The following MRTFB variants were observed in gnomAD, a reference collection of about 807,000 sequenced individuals.
MRTFB encodes myocardin related transcription factor B, also known as myocardin-related transcription factor B.
A neutral mutation model predicts 104.2 loss-of-function variants in MRTFB; 29 were observed. The observed-to-expected ratio is 0.28, with a 90% CI of 0.21 to 0.38. The LOEUF (loss-of-function observed/expected upper bound fraction) is 0.38. MRTFB is among the 10% of genes least tolerant of loss of function. The pLI, the probability that MRTFB is intolerant of heterozygous loss-of-function variation, is 1.00. For missense variants in MRTFB, 1,270 were observed against 1,341.6 expected, an observed-to-expected ratio of 0.95 and a Z score of 0.83; for synonymous variants, 535 against 519.5, an observed-to-expected ratio of 1.03 and a Z score of -0.41.
intron 3 of MRTFB, among the ~76,000 whole-genome samples, chr16:14,165,080 A>G (rs1193148349): frequency 6.6e-6 from 1 of 151,908 alleles, no homozygotes; most frequent in Non-Finnish European, 1.5e-5. Flanking sequence ...TGGCTCCTAG[A>G]AACAGTTTCC....
At chr16:14,200,719 T>C in intron 3 of MRTFB, 1 of 1,523,992 alleles carries the variant, frequency 6.6e-7, no homozygotes, top group Non-Finnish European at 9.1e-7. Flanking sequence ...TGTCAGAGGC[T>C]GAATCAGGAA....
intron 16 of MRTFB, among the ~76,000 whole-genome samples, 183 bp downstream of exon 16, chr16:14,258,344 G>A (rs192959739): frequency 2.0e-5 from 3 of 152,290 alleles, no homozygotes; most frequent in Admixed American, 6.5e-5. Context: ...CAGGTGCGGT[G>A]GCTCACGTCT....
At chr16:14,172,142 A>G (rs1035895947) in intron 3 of MRTFB, among the ~76,000 whole-genome samples, 3 of 152,050 alleles carry the variant, frequency 2.0e-5, no homozygotes, top group Non-Finnish European at 4.4e-5. Flanking sequence ...TCCCATTCCC[A>G]TCCCTTCATC....
At chr16:14,203,394 C>A (rs1597238322) in intron 3 of MRTFB, among the ~76,000 whole-genome samples, 1 of 152,270 alleles carries the variant, frequency 6.6e-6, no homozygotes, top group East Asian at 1.9e-4. Context: ...ACATACAGTC[C>A]TCTATGTCCC....
chr16:14,147,298 G>A (rs951662302), intron 3 of MRTFB, among the ~76,000 whole-genome samples: 1 of 152,140 alleles, frequency 6.6e-6, no homozygotes, highest in African/African-American at 2.4e-5. Context: ...TAAGCCTCCC[G>A]ACAACTGCAA....
the MRTFB span, among the ~76,000 whole-genome samples, chr16:14,032,728 C>A: frequency 6.6e-6 from 1 of 152,178 alleles, no homozygotes; most frequent in East Asian, 1.9e-4. Flanking sequence ...TCTATATGAA[C>A]CCCAGGTAGC....
At chr16:14,091,664 G>A (rs1023645387) in intron 2 of MRTFB, among the ~76,000 whole-genome samples, 7 of 152,146 alleles carry the variant, frequency 4.6e-5, no homozygotes, top group African/African-American at 1.4e-4. Context: ...GTTGGACCCA[G>A]AGATCGAAAC....
intron 3 of MRTFB, among the ~76,000 whole-genome samples, chr16:14,155,767 T>C (rs980237760): frequency 6.6e-6 from 1 of 152,214 alleles, no homozygotes; most frequent in Non-Finnish European, 1.5e-5. Context: ...TTCCCGACCT[T>C]GTATGCACTC....
chr16:14,139,100 A>G (rs9888882), intron 2 of MRTFB, among the ~76,000 whole-genome samples: 21,046 of 152,184 alleles, frequency 0.14, 3,457 homozygotes, highest in African/African-American at 0.39. Context: ...AATTAAAAAT[A>G]CTCTCCATAA....
intron 3 of MRTFB, among the ~76,000 whole-genome samples, chr16:14,188,557 T>A (rs1374723676): frequency 6.6e-6 from 1 of 152,162 alleles, no homozygotes; most frequent in Non-Finnish European, 1.5e-5. Context: ...AAGTACAGAT[T>A]CTTTCCCTAA....
intron 2 of MRTFB, among the ~76,000 whole-genome samples, chr16:14,089,745 T>C (rs2034938501): frequency 1.3e-5 from 2 of 152,206 alleles, no homozygotes; most frequent in Non-Finnish European, 1.5e-5. Context: ...TGCACCTTTT[T>C]TGTTCTCAGC....
At chr16:14,029,911 C>A in the MRTFB span, among the ~76,000 whole-genome samples, 1 of 151,904 alleles carries the variant, frequency 6.6e-6, no homozygotes, top group South Asian at 2.1e-4. Flanking sequence ...TGGGCCCCAG[C>A]GTTCCAGGCT....
intron 3 of MRTFB, among the ~76,000 whole-genome samples, chr16:14,161,276 T>A (rs879929592): frequency 2.0e-5 from 3 of 152,106 alleles, no homozygotes; most frequent in Non-Finnish European, 2.9e-5. Context: ...TATAGTACTT[T>A]AGACAGATAG....
chr16:14,169,658 T>C (rs1048364196), intron 3 of MRTFB, among the ~76,000 whole-genome samples: 4 of 152,222 alleles, frequency 2.6e-5, no homozygotes, highest in African/African-American at 9.6e-5. Flanking sequence ...TTTAGAATTA[T>C]AATACCTTAA....
chr16:14,224,477 G>A (rs567146451), intron 8 of MRTFB, among the ~76,000 whole-genome samples: 2 of 152,190 alleles, frequency 1.3e-5, no homozygotes, highest in Admixed American at 1.3e-4. Flanking sequence ...GCCCATTGTT[G>A]ACCACAATGC....
chr16:14,053,587 C>T, the MRTFB span, among the ~76,000 whole-genome samples: 17 of 151,962 alleles, frequency 1.1e-4, no homozygotes, highest in South Asian at 4.2e-4. Flanking sequence ...AAAAATTAGC[C>T]GGGCGTGGTG....
intron 2 of MRTFB, among the ~76,000 whole-genome samples, chr16:14,139,022 T>C (rs1363426246): frequency 6.6e-6 from 1 of 152,206 alleles, no homozygotes; most frequent in Non-Finnish European, 1.5e-5. Flanking sequence ...AATCAAAGAT[T>C]TATTAGCTAC....
the MRTFB span, among the ~76,000 whole-genome samples, chr16:14,047,378 G>A: frequency 2.0e-5 from 3 of 152,156 alleles, no homozygotes; most frequent in Non-Finnish European, 4.4e-5. Context: ...AAGGGAAGGG[G>A]CAGTCCCTGT....
chr16:14,251,071 A>G (rs61420587), intron 13 of MRTFB, among the ~76,000 whole-genome samples: 4,931 of 152,170 alleles, frequency 0.032, 254 homozygotes, highest in African/African-American at 0.11. Context: ...TAGCTTAGTC[A>G]TGGCCATTGA....
Sources: gnomAD v4.1 joint callset for allele counts (sites outside exome capture counted in the v4.1 genomes callset) on GRCh38, gnomAD v4.1.1 for gene constraint, MANE v1.5 for transcripts, NCBI Gene and HGNC (gene_info 2026-07-23, HGNC 2026-07-21) for gene names.